ADA2: variants seen among roughly 807,000 people sequenced by gnomAD.
ADA2 encodes the protein adenosine deaminase 2.
A neutral mutation model predicts 44.2 loss-of-function variants in ADA2; 29 were observed. That is an observed-to-expected ratio of 0.66 (90% CI 0.49 to 0.89). The LOEUF is 0.89. Ranked by LOEUF, ADA2 falls within the 40% of genes least tolerant of loss-of-function variation. The probability of loss-of-function intolerance (pLI) is 0.00; values close to 1 mark genes in which losing one functional copy is unlikely to be tolerated. For missense variants in ADA2, 637 were observed against 644.8 expected (o/e 0.99, Z 0.13); for synonymous variants, 215 against 234.9 (o/e 0.92, Z 0.77).
chr22:17,203,324 C>T (rs576696175), intron 4 of ADA2, among the ~76,000 whole-genome samples: 71 of 152,184 alleles, frequency 4.7e-4, no homozygotes, highest in African/African-American at 1.2e-3. Flanking sequence ...GAGGGGAGAA[C>T]GGGGAACCAT....
intron 7 of ADA2, among the ~76,000 whole-genome samples, chr22:17,185,134 C>T (rs1167483800): frequency 6.7e-6 from 1 of 148,810 alleles, no homozygotes; most frequent in Non-Finnish European, 1.5e-5. Flanking sequence ...GGATATTGGC[C>T]GGGTGTGGTG....
At chr22:17,200,057 C>A (rs997362880) in intron 4 of ADA2, among the ~76,000 whole-genome samples, 2 of 152,020 alleles carry the variant, frequency 1.3e-5, no homozygotes, top group African/African-American at 4.8e-5. Context: ...TAGCTGAGTG[C>A]GGTGGTGTAC....
At chr22:17,186,075 G>T (rs986454861) in intron 7 of ADA2, among the ~76,000 whole-genome samples, 6 of 152,226 alleles carry the variant, frequency 3.9e-5, no homozygotes, top group Non-Finnish European at 8.8e-5. Flanking sequence ...GGCGTTTCAG[G>T]AGGAACAGCA....
chr22:17,199,512 G>T, intron 4 of ADA2: 1 of 1,560,054 alleles, frequency 6.4e-7, no homozygotes, highest in Non-Finnish European at 8.7e-7. Context: ...CACCAAGACA[G>T]TTGTCAGGAT....
intron 3 of ADA2, among the ~76,000 whole-genome samples, chr22:17,206,412 AGG>A (rs2062354229): frequency 3.8e-5 from 1 of 25,992 alleles, no homozygotes; most frequent in African/African-American, 1.3e-4. Context: ...AGCCAAGATC[AGG>A]CTGCTGTGAG....
chr22:17,181,480 T>G lies in ADA2; in HGVS notation c.*3A>C. On this transcript the variant is annotated 3_prime_UTR_variant, in exon 10 of 10. Coordinates refer to ENST00000399837, the MANE Select transcript of ADA2 (RefSeq NM_001282225.2). ...AGCTTGTAGAGGGCTGGCTAGCTTC[T>G]CCTCACTTTGTAGCCACATCTGCTA... 2 of 1,599,380 alleles carry G rather than the reference T, an allele frequency of 1.3e-6. No individual in the cohort carries two copies. The highest frequency in any genetic ancestry group is 1.7e-6 in the Non-Finnish European group (2 of 1,166,500).
chr22:17,185,104 C>A (rs1173937568), intron 7 of ADA2, among the ~76,000 whole-genome samples: 2 of 148,800 alleles, frequency 1.3e-5, no homozygotes, highest in Non-Finnish European at 3.0e-5. Context: ...TTAAAGATTT[C>A]TTTTTCTTTT....
intron 3 of ADA2, among the ~76,000 whole-genome samples, chr22:17,206,557 T>G (rs1170540566): frequency 6.6e-6 from 1 of 152,196 alleles, no homozygotes; most frequent in East Asian, 1.9e-4. Flanking sequence ...AGATTTTAAA[T>G]GCACCAGAAA....
chr22:17,190,376 G>A (rs2062100115), intron 5 of ADA2, among the ~76,000 whole-genome samples: 1 of 152,174 alleles, frequency 6.6e-6, no homozygotes, highest in African/African-American at 2.4e-5. Context: ...CATCTCTGTC[G>A]GGGGTGTAGA....
chr22:17,185,441 TAAAATAAAA>T lies in ADA2; in HGVS notation c.1082-2689_1082-2681del, dbSNP rs1489615474. Among the ~76,000 whole-genome samples the T allele has an allele frequency of 1.3e-4, 7 of 55,746 alleles. No homozygotes were observed. The East Asian group carries it at 3.9e-3, about 31-fold the overall frequency. 36.6% of individuals were successfully genotyped at this position (55,746 alleles called of 152,430 possible). A position where few individuals can be genotyped will look rare whatever the true frequency, so the allele number is the denominator to read the frequency against. ...AAAAATAAAATAAAATAAAATAAAA[TAAAATAAAA>T]AAATAAAAATAAGGACATTACTTTT... On this transcript the variant is annotated intron_variant, in intron 7 of 9. Coordinates refer to ENST00000399837, the MANE Select transcript of ADA2 (RefSeq NM_001282225.2).
Position 17,216,764 on chromosome 22 carries a change from A to AC in ADA2, c.-47+2591_-47+2592insG, listed in dbSNP as rs2062476912. Among the ~76,000 whole-genome samples, 5 of 110,302 alleles carry AC rather than the reference A, an allele frequency of 4.5e-5. 1 individual carries two copies. Among genetic ancestry groups the AC allele is most frequent in the East Asian group, 6.0e-4 (1 of 1,660 alleles). 72.4% of individuals were successfully genotyped at this position (110,302 alleles called of 152,430 possible). A position where few individuals can be genotyped will look rare whatever the true frequency, so the allele number is the denominator to read the frequency against. ...ACAGAGCAAGACTCCACCTCAAAAAAAAAAAAAACACACACACACACACAC... is the reference window on the plus strand; with the variant it reads ...ACAGAGCAAGACTCCACCTCAAAAAACAAAAAAAACACACACACACACACAC... On this transcript the variant is annotated intron_variant, in intron 1 of 9. Transcript: ENST00000399837.
At chr22:17,195,632 T>C (rs1239315176) in intron 4 of ADA2, among the ~76,000 whole-genome samples, 1 of 152,210 alleles carries the variant, frequency 6.6e-6, no homozygotes. Flanking sequence ...CTTGGTTCAC[T>C]GTCTGTTTCA....
chr22:17,193,027 A>C, intron 4 of ADA2: 1 of 679,050 alleles, frequency 1.5e-6, no homozygotes, highest in Non-Finnish European at 2.6e-6. Flanking sequence ...AGAGGTATTC[A>C]CAACGGGGTT....
intron 7 of ADA2, among the ~76,000 whole-genome samples, 163 bp downstream of exon 7, chr22:17,188,176 T>C (rs892506452): frequency 4.6e-5 from 7 of 152,168 alleles, no homozygotes; most frequent in African/African-American, 1.4e-4. Flanking sequence ...CTATTATCCT[T>C]GTTATTCCTT....
At chr22:17,185,954 CT>C (rs1188670957) in intron 7 of ADA2, among the ~76,000 whole-genome samples, 3 of 152,168 alleles carry the variant, frequency 2.0e-5, no homozygotes, top group Admixed American at 6.5e-5. Flanking sequence ...CAGCCGTGAT[CT>C]TTCTTAGTTA....
intron 1 of ADA2, among the ~76,000 whole-genome samples, chr22:17,212,228 C>T (rs1489304135): frequency 2.6e-5 from 4 of 151,466 alleles, no homozygotes; most frequent in African/African-American, 7.3e-5. Flanking sequence ...GGTTTCACCA[C>T]GTTGGTTAGG....
At chr22:17,193,150 C>A in intron 4 of ADA2, 1 of 1,418,316 alleles carries the variant, frequency 7.1e-7, no homozygotes, top group South Asian at 1.2e-5. Flanking sequence ...TCCACAACAT[C>A]AAGGAGCTGG....
chr22:17,211,921 C>A (rs867643331), intron 1 of ADA2, among the ~76,000 whole-genome samples: 3 of 150,784 alleles, frequency 2.0e-5, no homozygotes, highest in Non-Finnish European at 4.4e-5. Flanking sequence ...AGTGAGACTC[C>A]GTCTCAAAAA....
chr22:17,189,849 G>A, intron 6 of ADA2, 93 bp downstream of exon 6: 1 of 862,698 alleles, frequency 1.2e-6, no homozygotes, highest in South Asian at 1.5e-5. Flanking sequence ...CAGGCACATT[G>A]CGCTCCCTTC....
Sources: allele counts gnomAD v4.1 joint callset (sites outside exome capture counted in the v4.1 genomes callset), GRCh38; gene constraint gnomAD v4.1.1; transcripts MANE v1.5; gene names NCBI Gene and HGNC (gene_info 2026-07-23, HGNC 2026-07-21).